Variants in ARHGAP26 observed in about 807,000 individuals in gnomAD.
ARHGAP26 encodes the protein Rho GTPase activating protein 26, also known as rho GTPase-activating protein 26.
A neutral mutation model predicts 104.8 loss-of-function variants in ARHGAP26; 38 were observed. The observed-to-expected ratio is 0.36, with a 90% CI of 0.28 to 0.48. ARHGAP26 has a LOEUF of 0.48. ARHGAP26 is among the 20% of genes least tolerant of loss of function. ARHGAP26 has a pLI of 0.99. For missense variants in ARHGAP26, 704 were observed against 947.9 expected (o/e 0.74, Z 3.38); for synonymous variants, 341 against 340.0 (o/e 1.00, Z -0.03).
intron 15 of ARHGAP26, 43 bp downstream of exon 15, chr5:143,054,569 C>A: frequency 7.1e-7 from 1 of 1,406,690 alleles, no homozygotes; most frequent in Non-Finnish European, 9.9e-7. Context: ...AGCTAGTTAT[C>A]ATGCAATCAG....
At chr5:142,834,649 A>G (rs1035571547) in intron 1 of ARHGAP26, among the ~76,000 whole-genome samples, 2 of 152,184 alleles carry the variant, frequency 1.3e-5, no homozygotes, top group Admixed American at 6.5e-5. Context: ...CTGGGCATCT[A>G]CATGCTCTGG....
At chr5:142,902,824 G>A (rs1462879579) in intron 7 of ARHGAP26, among the ~76,000 whole-genome samples, 2 of 152,210 alleles carry the variant, frequency 1.3e-5, no homozygotes, top group Admixed American at 1.3e-4. Context: ...TTCTCAGAAT[G>A]CAGGCTCTGA....
At chr5:143,055,061 C>T (rs1463640049) in intron 15 of ARHGAP26, among the ~76,000 whole-genome samples, 1 of 152,218 alleles carries the variant, frequency 6.6e-6, no homozygotes, top group Non-Finnish European at 1.5e-5. Context: ...ACTGTACCCT[C>T]TCTATGCCTC....
At chr5:142,966,213 T>C (rs1293702456) in intron 11 of ARHGAP26, among the ~76,000 whole-genome samples, 2 of 152,222 alleles carry the variant, frequency 1.3e-5, no homozygotes, top group South Asian at 2.1e-4. Context: ...TATAACGTAC[T>C]GTAGGAGAGG....
At chr5:143,023,746 T>C (rs1780655257) in intron 12 of ARHGAP26, among the ~76,000 whole-genome samples, 1 of 152,224 alleles carries the variant, frequency 6.6e-6, no homozygotes, top group African/African-American at 2.4e-5. Flanking sequence ...TGGCCGCCTA[T>C]GCACTGGCCC....
intron 1 of ARHGAP26, among the ~76,000 whole-genome samples, chr5:142,806,039 G>A (rs6879799): frequency 6.6e-6 from 1 of 152,160 alleles, no homozygotes; most frequent in Non-Finnish European, 1.5e-5. Context: ...TAATGCAAAG[G>A]TGTGTGTCTT....
chr5:143,070,311 C>G (rs3822392), intron 17 of ARHGAP26, among the ~76,000 whole-genome samples: 39,801 of 152,092 alleles, frequency 0.26, 5,550 homozygotes, highest in South Asian at 0.48. Flanking sequence ...CAAGGTCATT[C>G]TCCCCAGCCC....
At chr5:142,829,597 C>A (rs913448211) in intron 1 of ARHGAP26, among the ~76,000 whole-genome samples, 6 of 152,216 alleles carry the variant, frequency 3.9e-5, no homozygotes, top group African/African-American at 1.4e-4. Context: ...TGGTATTTAT[C>A]TCTGTGGCCT....
chr5:143,052,550 C>T (rs1598813032), intron 14 of ARHGAP26, among the ~76,000 whole-genome samples: 1 of 152,056 alleles, frequency 6.6e-6, no homozygotes, highest in East Asian at 1.9e-4. Flanking sequence ...CATTTTATTG[C>T]TCAGTGTCAC....
At chr5:143,089,358 A>G (rs1191015539) in intron 17 of ARHGAP26, among the ~76,000 whole-genome samples, 1 of 152,170 alleles carries the variant, frequency 6.6e-6, no homozygotes, top group Non-Finnish European at 1.5e-5. Context: ...GGGAAGTAAG[A>G]ATTGAGGCTA....
At chr5:142,998,179 A>G (rs1776686936) in intron 11 of ARHGAP26, among the ~76,000 whole-genome samples, 1 of 152,212 alleles carries the variant, frequency 6.6e-6, no homozygotes, top group Non-Finnish European at 1.5e-5. Flanking sequence ...ATATGCACTT[A>G]TATAGATTTC....
chr5:142,925,591 A>T (rs2152516502), intron 10 of ARHGAP26, among the ~76,000 whole-genome samples: 1 of 152,354 alleles, frequency 6.6e-6, no homozygotes, highest in South Asian at 2.1e-4. Flanking sequence ...TCATTTTCCC[A>T]GTAGCACTTT....
chr5:143,200,661 A>G (rs1351544378), intron 20 of ARHGAP26, among the ~76,000 whole-genome samples: 1 of 152,186 alleles, frequency 6.6e-6, no homozygotes, highest in Non-Finnish European at 1.5e-5. Context: ...TAAATTATGT[A>G]TGGTTGTATT....
At chr5:143,030,281 C>G (rs1417519637) in intron 12 of ARHGAP26, among the ~76,000 whole-genome samples, 1 of 152,088 alleles carries the variant, frequency 6.6e-6, no homozygotes, top group Non-Finnish European at 1.5e-5. Flanking sequence ...GGCCTCAGGC[C>G]CCTCTTGACC....
At chr5:142,896,805 C>G (rs1743630450) in intron 6 of ARHGAP26, among the ~76,000 whole-genome samples, 1 of 152,072 alleles carries the variant, frequency 6.6e-6, no homozygotes, top group African/African-American at 2.4e-5. Context: ...TTTCTCTGAG[C>G]CTTACTTTCC....
chr5:143,171,294 A>G (rs1437092620), intron 20 of ARHGAP26, among the ~76,000 whole-genome samples: 3 of 152,198 alleles, frequency 2.0e-5, no homozygotes, highest in African/African-American at 7.2e-5. Context: ...GGTCACAGAA[A>G]GCAGCAGTTT....
chr5:143,127,574 A>C (rs750616357), intron 18 of ARHGAP26, among the ~76,000 whole-genome samples: 11 of 151,986 alleles, frequency 7.2e-5, no homozygotes, highest in Non-Finnish European at 1.3e-4. Context: ...ATCATGGATG[A>C]CCCCCACTTA....
intron 17 of ARHGAP26, among the ~76,000 whole-genome samples, chr5:143,087,349 G>A (rs1018432517): frequency 4.6e-5 from 7 of 152,172 alleles, no homozygotes; most frequent in African/African-American, 1.4e-4. Flanking sequence ...AACTATAAAA[G>A]GATGAGTATC....
At chr5:142,886,827 T>A (rs1209283849) in intron 5 of ARHGAP26, among the ~76,000 whole-genome samples, 1 of 152,242 alleles carries the variant, frequency 6.6e-6, no homozygotes, top group African/African-American at 2.4e-5. Context: ...AAATTTGGGA[T>A]TCCATTTAGA....
Sources: gnomAD v4.1 joint callset for allele counts (sites outside exome capture counted in the v4.1 genomes callset) on GRCh38, gnomAD v4.1.1 for gene constraint, MANE v1.5 for transcripts, NCBI Gene and HGNC (gene_info 2026-07-23, HGNC 2026-07-21) for gene names.